The following CHEK2 variants were observed in gnomAD, a reference collection of about 807,000 sequenced individuals.
The protein encoded by CHEK2 is checkpoint kinase 2.
Under a neutral mutation model 69.1 loss-of-function variants are expected in CHEK2, and 71 were observed. The observed-to-expected ratio is 1.03, with a 90% CI of 0.85 to 1.25. The LOEUF is 1.25. CHEK2 is among the 50% of genes most tolerant of loss of function. The pLI is 0.00. For missense variants in CHEK2, 664 were observed against 649.6 expected, an observed-to-expected ratio of 1.02 and a Z score of -0.24; for synonymous variants, 189 against 226.9, an observed-to-expected ratio of 0.83 and a Z score of 1.50.
intron 8 of CHEK2, among the ~76,000 whole-genome samples, chr22:28,702,445 A>G (rs1044590479): frequency 1.1e-4 from 17 of 150,336 alleles, no homozygotes; most frequent in Non-Finnish European, 1.9e-4. Context: ...TCACCGTGTT[A>G]GCCAGGATGG....
chr22:28,734,841 G>C lies in CHEK2; in HGVS notation c.-6-114C>G. ...AAAAGAAAAGAAAAAAAAAAAAACA[G>C]GGCAAACATGCTCTCCAAAAATTAA... On this transcript the variant is annotated intron_variant, in intron 1 of 14. Transcript: ENST00000404276. 5 of 785,828 alleles carry C rather than the reference G, an allele frequency of 6.4e-6. No individual in the cohort carries two copies. In the South Asian group the frequency reaches 8.2e-5, roughly 13 times the overall value. 48.7% of individuals were successfully genotyped at this position (785,828 alleles called of 1,614,324 possible).
rs17881298 is a variant in CHEK2 at position 28,724,927 on chromosome 22, T to A, written c.592+50A>T. On this transcript the variant is annotated intron_variant, in intron 4 of 14. Transcript: ENST00000404276. ...AAGGACAGGACAAATTTTCCTCCTA[T>A]GAGAGAGTGGAAAAAAAAAATTCCA... The A allele has an allele frequency of 3.7e-3, 5,869 of 1,588,586 alleles. 18 individuals carry two copies. Among genetic ancestry groups the A allele is most frequent in the Non-Finnish European group, 4.2e-3 (4,888 of 1,157,198 alleles).
chr22:28,710,170 C>A (rs1409478615), intron 6 of CHEK2, 111 bp from the exon 7 acceptor site: 7 of 684,296 alleles, frequency 1.0e-5, no homozygotes, highest in Non-Finnish European at 1.3e-5. Context: ...CCAAACCCAG[C>A]TCTACTTATA....
At position 28,709,989 on chromosome 22, in the gene CHEK2, CAT is replaced by C. The variant is rs775989721; in HGVS notation, c.846+15_846+16del. The C allele has an allele frequency of 2.3e-6, 3 of 1,297,252 alleles. No individual in the cohort carries two copies. In the Admixed American group the frequency reaches 5.1e-5, roughly 22 times the overall value. The allele number at this position is 1,297,252 out of a possible 1,614,324, so 80.4% of individuals were successfully genotyped here. A position where few individuals can be genotyped will look rare whatever the true frequency, so the allele number is the denominator to read the frequency against. Reference sequence around the variant, plus strand: ...GAGATAGATAAATCTAAGTATGAGTCATATAATAATACTTACATGATTTAGCT... The same window carrying C: ...GAGATAGATAAATCTAAGTATGAGTCATAATAATACTTACATGATTTAGCT... On this transcript the variant is annotated intron_variant, in intron 7 of 14. Coordinates refer to ENST00000404276, the MANE Select transcript of CHEK2 (RefSeq NM_007194.4).
intron 12 of CHEK2, among the ~76,000 whole-genome samples, chr22:28,694,523 G>A (rs192875611): frequency 6.6e-6 from 1 of 152,202 alleles, no homozygotes; most frequent in South Asian, 2.1e-4. Flanking sequence ...CTGCAGACTT[G>A]TCAGAAATAA....
intron 7 of CHEK2, among the ~76,000 whole-genome samples, chr22:28,704,691 A>G (rs2053039513): frequency 6.6e-6 from 1 of 152,174 alleles, no homozygotes; most frequent in South Asian, 2.1e-4. Flanking sequence ...CAGTGGGTAA[A>G]TAAAAGATTT....
chr22:28,728,931 T>C (rs951067580), intron 2 of CHEK2, among the ~76,000 whole-genome samples: 1 of 151,808 alleles, frequency 6.6e-6, no homozygotes, highest in Admixed American at 6.6e-5. Flanking sequence ...TGAAACGTGA[T>C]AGTGGGTAAC....
At chr22:28,728,711 AC>A (rs1359061123) in intron 2 of CHEK2, among the ~76,000 whole-genome samples, 8 of 152,250 alleles carry the variant, frequency 5.3e-5, no homozygotes, top group African/African-American at 1.9e-4. Context: ...CTCCAAAAAA[AC>A]AAAACAAAAC....
rs1064795961 is a variant in CHEK2, at chr22:28,741,751, G to GT, written c.-7+17dup. 1.6e-5 allele frequency: 6 copies of GT among 369,804 alleles called. No homozygotes were observed. The highest frequency in any genetic ancestry group is 8.7e-5 in the Admixed American group (2 of 22,900). The allele number at this position is 369,804 out of a possible 1,614,324, so 22.9% of individuals were successfully genotyped here. On this transcript the variant is annotated intron_variant, in intron 1 of 14. Transcript: ENST00000404276. Reference sequence around the variant, plus strand: ...TCGAACCACCAAACACCCAACAGAAGTTCCCCATATGACTCACCGCGTGAG... The same window carrying GT: ...TCGAACCACCAAACACCCAACAGAAGTTTCCCCATATGACTCACCGCGTGAG...
chr22:28,731,504 G>A (rs1344968852), intron 2 of CHEK2, among the ~76,000 whole-genome samples: 1 of 151,900 alleles, frequency 6.6e-6, no homozygotes, highest in East Asian at 1.9e-4. Flanking sequence ...GCTGAGGCAG[G>A]AGAATGGCTT....
At chr22:28,716,199 C>CT (rs202194670) in intron 5 of CHEK2, among the ~76,000 whole-genome samples, 6,668 of 136,114 alleles carry the variant, frequency 0.049, 191 homozygotes, top group Middle Eastern at 0.075. Context: ...TCTTTTTTCT[C>CT]TTTTTTTTTT....
At chr22:28,734,819 A>C in intron 1 of CHEK2, 92 bp from the exon 2 acceptor site, 1 of 976,406 alleles carries the variant, frequency 1.0e-6, no homozygotes, top group Non-Finnish European at 1.5e-6. Flanking sequence ...CAACAGCAAA[A>C]GAAAAGAAAA....
chr22:28,731,814 C>G (rs958857139), intron 2 of CHEK2, among the ~76,000 whole-genome samples: 20 of 152,172 alleles, frequency 1.3e-4, no homozygotes, highest in Middle Eastern at 3.4e-3. Context: ...AGTTGAGAGC[C>G]CCTGCACCCA....
chr22:28,701,073 G>C (rs922837813), intron 8 of CHEK2, among the ~76,000 whole-genome samples: 1 of 152,042 alleles, frequency 6.6e-6, no homozygotes, highest in Non-Finnish European at 1.5e-5. Flanking sequence ...ACAGGCGTGA[G>C]CCACCGTGCC....
chr22:28,707,830 CTTTTTTT>C (rs11453597), intron 7 of CHEK2, among the ~76,000 whole-genome samples: 2 of 102,464 alleles, frequency 2.0e-5, no homozygotes, highest in African/African-American at 3.7e-5. Flanking sequence ...TTGTGTTTAT[CTTTTTTT>C]TTTTTTTTTT....
chr22:28,734,552 G>C lies in CHEK2; in HGVS notation c.170C>G (p.Ser57Cys), dbSNP rs730881695. The change falls in exon 2 of 15, where the codon TCT becomes TGT. Residue 57 changes from serine (S) to cysteine (C), a missense_variant. By Grantham distance (112) the Ser-to-Cys change is moderately radical. Transcript: ENST00000404276. ...TGTCTCTAAGGAGCTCAGTGTCCCAGAGCTGGAGTGAGAGGACTGGCTGGA... is the reference window on the plus strand; with the variant it reads ...TGTCTCTAAGGAGCTCAGTGTCCCACAGCTGGAGTGAGAGGACTGGCTGGA... Reference protein sequence around the residue: ...PNSSQSSHSSSGTLSSLETVS... With the variant: ...PNSSQSSHSSCGTLSSLETVS... 1.2e-6 allele frequency: 2 copies of C among 1,613,974 alleles called. No individual in the cohort carries two copies. Among genetic ancestry groups the C allele is most frequent in the Non-Finnish European group, 1.7e-6 (2 of 1,180,022 alleles).
chr22:28,728,887 G>A (rs2054097646), intron 2 of CHEK2, among the ~76,000 whole-genome samples: 1 of 152,132 alleles, frequency 6.6e-6, no homozygotes, highest in Non-Finnish European at 1.5e-5. Context: ...AGGAGGCTGA[G>A]GTAGGAGTTG....
At chr22:28,715,083 A>T (rs2053542922) in intron 5 of CHEK2, among the ~76,000 whole-genome samples, 1 of 152,156 alleles carries the variant, frequency 6.6e-6, no homozygotes, top group Non-Finnish European at 1.5e-5. Context: ...ATTCATTCAT[A>T]CCTACAGCCA....
intron 9 of CHEK2, among the ~76,000 whole-genome samples, chr22:28,698,485 T>C (rs1375549097): frequency 6.6e-6 from 1 of 152,110 alleles, no homozygotes; most frequent in East Asian, 1.9e-4. Flanking sequence ...AGAACAAAAA[T>C]TTTTTGCAAA....
Sources: gnomAD v4.1 joint callset for allele counts (sites outside exome capture counted in the v4.1 genomes callset) on GRCh38, gnomAD v4.1.1 for gene constraint, MANE v1.5 for transcripts, NCBI Gene and HGNC (gene_info 2026-07-23, HGNC 2026-07-21) for gene names.